The following SYK variants were observed in gnomAD, a reference collection of about 807,000 sequenced individuals.
SYK encodes tyrosine-protein kinase SYK.
In SYK, 16 loss-of-function variants were observed where a neutral mutation model predicts 77.8. That is an observed-to-expected ratio of 0.21 (90% confidence interval 0.14 to 0.31). The LOEUF (loss-of-function observed/expected upper bound fraction) is 0.31, where lower values mean the gene tolerates loss of function less well. Among genes scored for constraint, SYK ranks in the 10% least tolerant of loss-of-function variants. The pLI is 1.00. For synonymous variants in SYK, 312 were observed against 308.7 expected, an observed-to-expected ratio of 1.01 and a Z score of -0.11; for missense variants, 529 against 814.4, an observed-to-expected ratio of 0.65 and a Z score of 4.26.
chr9:90,825,605 C>T lies in SYK; in HGVS notation c.-41-18253C>T, dbSNP rs114121539. 5.5e-3 allele frequency among the ~76,000 whole-genome samples: 830 copies of T among 152,288 alleles called. 9 individuals are homozygous for T. The highest frequency in any genetic ancestry group is 0.019 in the African/African-American group (795 of 41,546). ...CAAAAGGAAAGCATGTTAGTTTTGA[C>T]TGTGGGGACAGGGACATGTTTATCC... On this transcript the variant is annotated intron_variant, in intron 1 of 13. Transcript: ENST00000375754.
chr9:90,807,065 A>G (rs560093242), intron 1 of SYK, among the ~76,000 whole-genome samples: 42 of 152,380 alleles, frequency 2.8e-4, no homozygotes, highest in Middle Eastern at 3.4e-3. Context: ...AAGTGCAGCA[A>G]GCAGGGATAA....
chr9:90,874,302 C>T lies in SYK; in HGVS notation c.1003+11C>T. The T allele has an allele frequency of 6.2e-7, 1 of 1,613,792 alleles. No homozygotes were observed. Among genetic ancestry groups the T allele is most frequent in the Non-Finnish European group, 8.5e-7 (1 of 1,179,688 alleles). On this transcript the variant is annotated intron_variant, in intron 8 of 13. Coordinates refer to ENST00000375754, the MANE Select transcript of SYK (RefSeq NM_003177.7). ...GGGCTGCAGACAAAGGTGAGACTTC[C>T]TTTCATTCAAGGGACATTCACAGAG...
intron 11 of SYK, among the ~76,000 whole-genome samples, chr9:90,880,606 C>T (rs913849442): frequency 6.6e-6 from 1 of 152,192 alleles, no homozygotes; most frequent in Admixed American, 6.5e-5. Flanking sequence ...AACAAGGACA[C>T]AGAGGAGATA....
chr9:90,837,169 GCATCCCCA>G (rs930022570), intron 1 of SYK, among the ~76,000 whole-genome samples: 1 of 152,136 alleles, frequency 6.6e-6, no homozygotes, highest in African/African-American at 2.4e-5. Context: ...TGGGTGGTCA[GCATCCCCA>G]CATTGTTCAA....
intron 8 of SYK, 40 bp from the exon 9 acceptor site, chr9:90,874,632 G>T (rs773190280): frequency 1.3e-6 from 2 of 1,577,928 alleles, no homozygotes; most frequent in South Asian, 1.1e-5. Context: ...CCTGGTGTGG[G>T]GTCCAGCCCC....
chr9:90,887,212 C>T (rs1391804837), intron 11 of SYK, among the ~76,000 whole-genome samples: 1 of 152,118 alleles, frequency 6.6e-6, no homozygotes, highest in African/African-American at 2.4e-5. Context: ...AGCATAATGT[C>T]CTCTAGGCTC....
chr9:90,879,883 A>G (rs190518722), intron 11 of SYK, among the ~76,000 whole-genome samples: 639 of 152,332 alleles, frequency 4.2e-3, no homozygotes, highest in Middle Eastern at 0.014. Flanking sequence ...CCCTCTCTGA[A>G]CCCTCAAATG....
intron 1 of SYK, among the ~76,000 whole-genome samples, chr9:90,842,497 ATGTG>A: frequency 6.9e-6 from 1 of 145,366 alleles, no homozygotes; most frequent in Admixed American, 6.8e-5. Context: ...GTGTATGTGT[ATGTG>A]TGTGGGGTAG....
At chr9:90,870,283 G>A (rs1827680196) in intron 7 of SYK, among the ~76,000 whole-genome samples, 1 of 152,068 alleles carries the variant, frequency 6.6e-6, no homozygotes, top group African/African-American at 2.4e-5. Flanking sequence ...ATGGAAAATA[G>A]GTGGAAATTA....
chr9:90,828,745 C>A (rs1227020568), intron 1 of SYK, among the ~76,000 whole-genome samples: 1 of 152,150 alleles, frequency 6.6e-6, no homozygotes, highest in Non-Finnish European at 1.5e-5. Context: ...TATGATGAGG[C>A]ATGTACTTCT....
At chr9:90,802,800 C>T (rs1018844900) in intron 1 of SYK, among the ~76,000 whole-genome samples, 1 of 11,196 alleles carries the variant, frequency 8.9e-5, no homozygotes, top group Non-Finnish European at 1.5e-4. Context: ...GAGTTCAAAG[C>T]ATTGCAGCGT....
At position 90,867,213 on chromosome 9, in the gene SYK, C is replaced by G; in HGVS notation, c.915+14C>G. ...GGCCACAGAAAGGTGCTAAAGCAAC[C>G]CCTGCTTGCTGTCCAACTAAGTGGT... On this transcript the variant is annotated intron_variant, in intron 7 of 13. Transcript: ENST00000375754. 6.2e-7 allele frequency: 1 copy of G among 1,613,946 alleles called. No individual in the cohort carries two copies. The highest frequency in any genetic ancestry group is 8.5e-7 in the Non-Finnish European group (1 of 1,179,856).
intron 3 of SYK, among the ~76,000 whole-genome samples, chr9:90,858,546 T>A (rs1325427059): frequency 2.0e-5 from 3 of 152,240 alleles, no homozygotes; most frequent in African/African-American, 4.8e-5. Context: ...ACGCCCTCTC[T>A]GGGTGTCTGT....
chr9:90,895,394 G>A lies in SYK; in HGVS notation c.1836-134G>A, dbSNP rs1587934275. ...CTGGGGTGGGGGGCACAGGGACCAC[G>A]CTGTGAGCTGCAGGCCCTAGAGTTA... On this transcript the variant is annotated intron_variant, in intron 13 of 13. Transcript: ENST00000375754. This position sits in a 1 kb window ranked among gnomAD's most constrained non-coding sequence, Gnocchi z 4.4. 5 of 852,090 alleles carry A rather than the reference G, an allele frequency of 5.9e-6. No individual in the cohort carries two copies. Among genetic ancestry groups the A allele is most frequent in the East Asian group, 2.5e-5 (1 of 40,224 alleles). 52.8% of individuals were successfully genotyped at this position (852,090 alleles called of 1,614,324 possible).
chr9:90,853,482 C>A (rs959460622), intron 3 of SYK, among the ~76,000 whole-genome samples: 1 of 151,884 alleles, frequency 6.6e-6, no homozygotes, highest in Non-Finnish European at 1.5e-5. Flanking sequence ...AGATGTCCAA[C>A]AATGATAGAC....
intron 9 of SYK, among the ~76,000 whole-genome samples, chr9:90,876,397 A>T (rs1260321731): frequency 6.6e-6 from 1 of 152,178 alleles, no homozygotes; most frequent in Non-Finnish European, 1.5e-5. Context: ...ATACACATAC[A>T]TGTATGTATA....
chr9:90,822,644 C>T (rs1434709537), intron 1 of SYK, among the ~76,000 whole-genome samples: 2 of 152,214 alleles, frequency 1.3e-5, no homozygotes, highest in Non-Finnish European at 2.9e-5. Flanking sequence ...ATCCACCAGG[C>T]GGTCCTCCTG....
intron 1 of SYK, among the ~76,000 whole-genome samples, chr9:90,806,756 G>C (rs1358074851): frequency 6.6e-6 from 1 of 152,072 alleles, no homozygotes; most frequent in Non-Finnish European, 1.5e-5. Context: ...CTTCCATCAG[G>C]GTGCATTCTG....
At chr9:90,836,280 T>C (rs1826081707) in intron 1 of SYK, among the ~76,000 whole-genome samples, 4 of 134,236 alleles carry the variant, frequency 3.0e-5, no homozygotes, top group South Asian at 5.0e-4. Context: ...GAGCGAGACT[T>C]CATCTCAAAA....
Sources: gnomAD v4.1 joint callset for allele counts (sites outside exome capture counted in the v4.1 genomes callset) on GRCh38, gnomAD v4.1.1 for gene constraint, Gnocchi (gnomAD v3.1) non-coding constraint, MANE v1.5 for transcripts, NCBI Gene and HGNC (gene_info 2026-07-23, HGNC 2026-07-21) for gene names.